The following OR5AP2 variants were observed in gnomAD, a reference collection of about 807,000 sequenced individuals.
OR5AP2 encodes the protein olfactory receptor 5AP2.
For synonymous variants in OR5AP2, 142 were observed against 140.8 expected (o/e 1.01, Z -0.06); for missense variants, 409 against 378.9 (o/e 1.08, Z -0.66).
Position 56,642,125 on chromosome 11 carries a change from G to T in OR5AP2, c.315C>A (p.Ala105=), listed in dbSNP as rs770800089. 6.2e-7 allele frequency: 1 copy of T among 1,613,996 alleles called. No homozygotes were observed. The highest frequency in any genetic ancestry group is 8.5e-7 in the Non-Finnish European group (1 of 1,180,032). ...GGAAGGAGCCAAAGAAGTAGAACTG[G>T]GCAGCACATCCATGAAAAGAAATGG... The part of the protein sequence containing the change: ...NKAISFHGCA[A]QFYFFGSFLG... The change falls in exon 1 of 1, where the codon GCC becomes GCA. Residue 105 remains alanine (A), a synonymous_variant. Coordinates refer to ENST00000544374, the MANE Select transcript of OR5AP2 (RefSeq NM_001002925.1).
At position 56,642,035 on chromosome 11, in the gene OR5AP2, G is replaced by A. The variant is rs374654172; in HGVS notation, c.405C>T (p.Pro135=). The change falls in exon 1 of 1, where the codon CCC becomes CCT. Residue 135 remains proline (P), a synonymous_variant. Coordinates refer to ENST00000544374, the MANE Select transcript of OR5AP2 (RefSeq NM_001002925.1). ...CAGACACGAGAACTGGGTAGAGCAG[G>A]GGGTTCCAAATGGCTGCATAGCGGT... ...AYDRYAAIWN[P]LLYPVLVSGR... The A allele has an allele frequency of 1.9e-6, 3 of 1,614,086 alleles. No individual in the cohort carries two copies. Among genetic ancestry groups the A allele is most frequent in the Non-Finnish European group, 2.5e-6 (3 of 1,180,026 alleles).
Position 56,641,857 on chromosome 11 carries a change from A to T in OR5AP2, c.583T>A (p.Cys195Ser), listed in dbSNP as rs1857008197. 6.2e-7 allele frequency: 1 copy of T among 1,614,246 alleles called. No individual in the cohort carries two copies. The highest frequency in any genetic ancestry group is 8.5e-7 in the Non-Finnish European group (1 of 1,180,032). Residue 195 changes from cysteine (C) to serine (S), a missense_variant, in exon 1 of 1, where the codon TGC becomes AGC. Physicochemically the swap from Cys to Ser is moderately radical, Grantham distance 112. Transcript: ENST00000544374. ...ATGCCATTGAAGTGGGTATCAGAGC[A>T]AGAGAGTTTGAGCAGTGGCGGGGTG... ...CDTPPLLKLS[C>S]SDTHFNGIVI...
chr11:56,641,778 A>G lies in OR5AP2; in HGVS notation c.662T>C (p.Leu221Pro). ...FIVISCVMIV[L>P]ISYLCIFIAV... ...AATGAAGATACACAGGTAGGAAATG[A>G]GGACAATCATAACACAGCTGATGAC... Residue 221 changes from leucine to proline, a missense_variant, in exon 1 of 1, where the codon CTC (leucine) becomes CCC (proline). Coordinates refer to ENST00000544374, the MANE Select transcript of OR5AP2 (RefSeq NM_001002925.1). The G allele has an allele frequency of 6.2e-7, 1 of 1,614,212 alleles. No homozygotes were observed. Among genetic ancestry groups the G allele is most frequent in the Non-Finnish European group, 8.5e-7 (1 of 1,180,046 alleles).
chr11:56,642,312 G>T lies in OR5AP2; in HGVS notation c.128C>A (p.Ala43Glu), dbSNP rs772907291. The T allele has an allele frequency of 6.2e-7, 1 of 1,613,672 alleles. No homozygotes were observed. Among genetic ancestry groups the T allele is most frequent in the African/African-American group, 1.3e-5 (1 of 74,924 alleles). ...CATCCCCAAATTGCCCACCATGTTTGCCATATAGATCAACAGAAACAATGC... is the reference window on the plus strand; with the variant it reads ...CATCCCCAAATTGCCCACCATGTTTTCCATATAGATCAACAGAAACAATGC... Reference protein sequence around the residue: ...LFALFLLIYMANMVGNLGMIV... With the variant: ...LFALFLLIYMENMVGNLGMIV... The change falls in exon 1 of 1, where the codon GCA becomes GAA. Residue 43 changes from alanine (A) to glutamate (E), a missense_variant. Ala to Glu is a moderately radical substitution (Grantham distance 107). Transcript: ENST00000544374.
rs1306273708 is a variant in OR5AP2, at chr11:56,641,645, G to A, written c.795C>T (p.Tyr265=). ...TTGAGTAGCTAGATGTAGGGCGCAA[G>A]TACATGAAGAGGATTGTTCCAAAGA... ...TIFFGTILFM[Y]LRPTSSYSME... The change falls in exon 1 of 1, where the codon TAC becomes TAT. Residue 265 remains tyrosine (Y), a synonymous_variant. Coordinates refer to ENST00000544374, the MANE Select transcript of OR5AP2 (RefSeq NM_001002925.1). 1.2e-6 allele frequency: 2 copies of A among 1,614,096 alleles called. No homozygotes were observed. The highest frequency in any genetic ancestry group is 2.2e-5 in the East Asian group (1 of 44,882).
rs1857009770 is a variant in OR5AP2, at chr11:56,641,981, G to A, written c.459C>T (p.Thr153=). Residue 153 remains threonine, a synonymous_variant, in exon 1 of 1, where the codon ACC becomes ACT. Coordinates refer to ENST00000544374, the MANE Select transcript of OR5AP2 (RefSeq NM_001002925.1). Reference sequence around the variant, plus strand: ...CATTTCCACAACCTGCTAAGAAGGAGGTAGCTATTAGCAAAAAGCAAATTC... The same window carrying A: ...CATTTCCACAACCTGCTAAGAAGGAAGTAGCTATTAGCAAAAAGCAAATTC... ...SGRICFLLIA[T]SFLAGCGNAA... The A allele has an allele frequency of 6.2e-7, 1 of 1,614,080 alleles. No homozygotes were observed. Among genetic ancestry groups the A allele is most frequent in the Non-Finnish European group, 8.5e-7 (1 of 1,179,958 alleles).
In OR5AP2 at chr11:56,641,606, C is replaced by T. The variant is rs1463545093; in HGVS notation, c.834G>A (p.Lys278=). 4 of 1,612,576 alleles carry T rather than the reference C, an allele frequency of 2.5e-6. No homozygotes were observed. The highest frequency in any genetic ancestry group is 3.4e-6 in the Non-Finnish European group (4 of 1,178,816). Residue 278 remains lysine (K), a synonymous_variant, in exon 1 of 1, where the codon AAG becomes AAA. Transcript: ENST00000544374. ...PTSSYSMEQD[K]VVSVFYTVII... is the part of the protein sequence containing the mutation. The stretch of plus-strand genomic sequence containing the variant: ...TTACTGTATAAAAGACAGAGACAAC[C>T]TTGTCTTGCTCCATTGAGTAGCTAG...
rs928597669 is a variant in OR5AP2, at chr11:56,642,323, C to A, written c.117G>T (p.Leu39Phe). 2 of 1,613,362 alleles carry A rather than the reference C, an allele frequency of 1.2e-6. No homozygotes were observed. The highest frequency in any genetic ancestry group is 1.7e-5 in the Admixed American group (1 of 60,008). Residue 39 changes from leucine (L) to phenylalanine (F), a missense_variant, in exon 1 of 1, where the codon TTG becomes TTT. Physicochemically the swap from Leu to Phe is conservative, Grantham distance 22. Coordinates refer to ENST00000544374, the MANE Select transcript of OR5AP2 (RefSeq NM_001002925.1). Reference sequence around the variant, plus strand: ...TGCCCACCATGTTTGCCATATAGATCAACAGAAACAATGCAAAGAGGACTC... The same window carrying A: ...TGCCCACCATGTTTGCCATATAGATAAACAGAAACAATGCAAAGAGGACTC... ...LQGVLFALFL[L>F]IYMANMVGNL...
At position 56,641,660 on chromosome 11, in the gene OR5AP2, T is replaced by C. The variant is rs1307432868; in HGVS notation, c.780A>G (p.Thr260=). The C allele has an allele frequency of 5.0e-6, 8 of 1,614,144 alleles. No individual in the cohort carries two copies. Among genetic ancestry groups the C allele is most frequent in the Non-Finnish European group, 5.1e-6 (6 of 1,180,038 alleles). The change falls in exon 1 of 1, where the codon ACA becomes ACG. Residue 260 remains threonine, a synonymous_variant. Coordinates refer to ENST00000544374, the MANE Select transcript of OR5AP2 (RefSeq NM_001002925.1). The part of the protein sequence containing the change: ...YLMAVTIFFG[T]ILFMYLRPTS... ...TAGGGCGCAAGTACATGAAGAGGAT[T>C]GTTCCAAAGAATATGGTGACAGCCA...
chr11:56,641,766 AG>A lies in OR5AP2; in HGVS notation c.673del (p.Leu225CysfsTer8), dbSNP rs763551413. ...CTTCAAGACGGCAATGAAGATACAC[AG>A]GTAGGAAATGAGGACAATCATAACA... is the stretch of plus-strand genomic sequence containing the variant. ...SCVMIVLISY[L>X]CIFIAVLKMP... On this transcript the variant is annotated frameshift_variant, in exon 1 of 1. Coordinates refer to ENST00000544374, the MANE Select transcript of OR5AP2 (RefSeq NM_001002925.1). LOFTEE classifies it high-confidence loss of function. 1.2e-5 allele frequency: 20 copies of A among 1,614,178 alleles called. No homozygotes were observed. Among genetic ancestry groups the A allele is most frequent in the Non-Finnish European group, 1.6e-5 (19 of 1,180,022 alleles).
rs539826171 is a variant in OR5AP2 at position 56,642,037 on chromosome 11, G to T, written c.403C>A (p.Pro135Thr). The change falls in exon 1 of 1, where the codon CCC (proline) becomes ACC (threonine). Residue 135 changes from proline (P) to threonine (T), a missense_variant. Physicochemically the swap from Pro to Thr is conservative, Grantham distance 38. Transcript: ENST00000544374. ...AYDRYAAIWN[P>T]LLYPVLVSGR... ...GACACGAGAACTGGGTAGAGCAGGG[G>T]GTTCCAAATGGCTGCATAGCGGTCA... 1.2e-6 allele frequency: 2 copies of T among 1,614,080 alleles called. No homozygotes were observed. The highest frequency in any genetic ancestry group is 1.1e-5 in the South Asian group (1 of 91,068).
chr11:56,641,920 A>G lies in OR5AP2; in HGVS notation c.520T>C (p.Phe174Leu), dbSNP rs1857009026. 2 of 1,614,248 alleles carry G rather than the reference A, an allele frequency of 1.2e-6. No individual in the cohort carries two copies. The highest frequency in any genetic ancestry group is 1.7e-5 in the Admixed American group (1 of 60,034). ...TGGTTGATCCTATTAGAACCACAAA[A>G]GGACAACCTAAAAGTCATCCCTGTA... is the stretch of plus-strand genomic sequence containing the variant. ...IHTGMTFRLS[F>L]CGSNRINHFY... Residue 174 changes from phenylalanine (F) to leucine (L), a missense_variant, in exon 1 of 1, where the codon TTT becomes CTT. By Grantham distance (22) the Phe-to-Leu change is conservative. Coordinates refer to ENST00000544374, the MANE Select transcript of OR5AP2 (RefSeq NM_001002925.1).
Position 56,641,946 on chromosome 11 carries a change from T to C in OR5AP2, c.494A>G (p.His165Arg). 1.2e-6 allele frequency: 2 copies of C among 1,614,212 alleles called. No homozygotes were observed. Among genetic ancestry groups the C allele is most frequent in the Middle Eastern group, 1.6e-4 (1 of 6,062 alleles). Residue 165 changes from histidine (H) to arginine (R), a missense_variant, in exon 1 of 1, where the codon CAT becomes CGT. Coordinates refer to ENST00000544374, the MANE Select transcript of OR5AP2 (RefSeq NM_001002925.1). ...GGACAACCTAAAAGTCATCCCTGTATGTATGGCTGCATTTCCACAACCTGC... is the reference window on the plus strand; with the variant it reads ...GGACAACCTAAAAGTCATCCCTGTACGTATGGCTGCATTTCCACAACCTGC... ...FLAGCGNAAI[H>R]TGMTFRLSFC...
At position 56,641,805 on chromosome 11, in the gene OR5AP2, A is replaced by G; in HGVS notation, c.635T>C (p.Ile212Thr). Residue 212 changes from isoleucine (I) to threonine (T), a missense_variant, in exon 1 of 1, where the codon ATT becomes ACT. By Grantham distance (89) the Ile-to-Thr change is moderately conservative. Coordinates refer to ENST00000544374, the MANE Select transcript of OR5AP2 (RefSeq NM_001002925.1). ...GACAATCATAACACAGCTGATGACA[A>G]TAAAACTTGAGAATGCCATGATCAC... is the stretch of plus-strand genomic sequence containing the variant. ...GIVIMAFSSF[I>T]VISCVMIVLI... The G allele has an allele frequency of 1.9e-6, 3 of 1,614,204 alleles. No individual in the cohort carries two copies. The highest frequency in any genetic ancestry group is 3.3e-4 in the Middle Eastern group (2 of 6,062).
Position 56,642,367 on chromosome 11 carries a change from C to T in OR5AP2, c.73G>A (p.Asp25Asn), listed in dbSNP as rs747083094. The change falls in exon 1 of 1, where the codon GAC becomes AAC. Residue 25 changes from aspartate to asparagine, a missense_variant. Transcript: ENST00000544374. ...AGGACTCCTTGTAGATCTGGATTGT[C>T]GGAAAGTCCTAAGAGGAGAAATTCT... ...VTEFLLLGLS[D>N]NPDLQGVLFA... 176 of 1,610,586 alleles carry T rather than the reference C, an allele frequency of 1.1e-4. No individual in the cohort carries two copies. Among genetic ancestry groups the T allele is most frequent in the Admixed American group, 1.8e-4 (11 of 59,992 alleles).
Position 56,641,708 on chromosome 11 carries a change from G to A in OR5AP2, c.732C>T (p.Phe244=), listed in dbSNP as rs1447794952. 4 of 1,613,922 alleles carry A rather than the reference G, an allele frequency of 2.5e-6. No homozygotes were observed. Among genetic ancestry groups the A allele is most frequent in the Non-Finnish European group, 3.4e-6 (4 of 1,179,952 alleles). ...MPSLEGRHKA[F]STCASYLMAV... ...CCATGAGGTAAGAGGCACAGGTGGA[G>A]AAGGCTTTGTGCCTGCCCTCTAACG... Residue 244 remains phenylalanine, a synonymous_variant, in exon 1 of 1, where the codon TTC becomes TTT. Coordinates refer to ENST00000544374, the MANE Select transcript of OR5AP2 (RefSeq NM_001002925.1).
chr11:56,641,579 T>C lies in OR5AP2; in HGVS notation c.861A>G (p.Ile287Met), dbSNP rs763548980. The C allele has an allele frequency of 5.0e-6, 8 of 1,613,226 alleles. No homozygotes were observed. In the Admixed American group the frequency reaches 6.7e-5, roughly 13 times the overall value. ...AGATGAGGGGATTTAGCACAGGGAT[T>C]ATTACTGTATAAAAGACAGAGACAA... Reference protein sequence around the residue: ...DKVVSVFYTVIIPVLNPLIYS... With the variant: ...DKVVSVFYTVMIPVLNPLIYS... The change falls in exon 1 of 1, where the codon ATA becomes ATG. Residue 287 changes from isoleucine to methionine, a missense_variant. Coordinates refer to ENST00000544374, the MANE Select transcript of OR5AP2 (RefSeq NM_001002925.1).
Position 56,641,901 on chromosome 11 carries a change from A to G in OR5AP2, c.539T>C (p.Ile180Thr), listed in dbSNP as rs1322631173. ...FRLSFCGSNR[I>T]NHFYCDTPPL... ...CGGGGTGTCACAGTAGAAATGGTTG[A>G]TCCTATTAGAACCACAAAAGGACAA... The change falls in exon 1 of 1, where the codon ATC (isoleucine) becomes ACC (threonine). Residue 180 changes from isoleucine to threonine, a missense_variant. Transcript: ENST00000544374. 5.6e-6 allele frequency: 9 copies of G among 1,614,226 alleles called. No individual in the cohort carries two copies. The highest frequency in any genetic ancestry group is 7.6e-6 in the Non-Finnish European group (9 of 1,180,038).
Position 56,641,671 on chromosome 11 carries a change from A to G in OR5AP2, c.769T>C (p.Phe257Leu), listed in dbSNP as rs201161671. 6.2e-7 allele frequency: 1 copy of G among 1,614,178 alleles called. No individual in the cohort carries two copies. The highest frequency in any genetic ancestry group is 1.3e-5 in the African/African-American group (1 of 75,062). ...TACATGAAGAGGATTGTTCCAAAGA[A>G]TATGGTGACAGCCATGAGGTAAGAG... Reference protein sequence around the residue: ...CASYLMAVTIFFGTILFMYLR... With the variant: ...CASYLMAVTILFGTILFMYLR... Residue 257 changes from phenylalanine to leucine, a missense_variant, in exon 1 of 1, where the codon TTC becomes CTC. Phe to Leu is a conservative substitution (Grantham distance 22). Transcript: ENST00000544374.
Sources: allele counts gnomAD v4.1 joint callset, GRCh38; gene constraint gnomAD v4.1.1; transcripts MANE v1.5; gene names NCBI Gene and HGNC (gene_info 2026-07-23, HGNC 2026-07-21).